Variants in SORD observed in about 807,000 individuals in gnomAD.
SORD encodes the protein (R,R)-butanediol dehydrogenase.
A neutral mutation model predicts 35.6 loss-of-function variants in SORD; 18 were observed. The ratio of observed to expected loss-of-function variants is 0.51; its 90% CI spans 0.35 to 0.75. The LOEUF (loss-of-function observed/expected upper bound fraction) is 0.75. Ranked by LOEUF, SORD falls within the 30% of genes least tolerant of loss-of-function variation. The probability of loss-of-function intolerance (pLI) is 0.01; values close to 1 mark genes in which losing one functional copy is unlikely to be tolerated. For synonymous variants in SORD, 106 were observed against 152.9 expected (o/e 0.69, Z 2.26); for missense variants, 250 against 390.2 (o/e 0.64, Z 3.03).
intron 5 of SORD, among the ~76,000 whole-genome samples, chr15:45,066,310 G>A (rs571737299): frequency 1.3e-4 from 20 of 151,530 alleles, no homozygotes; most frequent in Admixed American, 3.3e-4. Context: ...GGAAACTAGG[G>A]AAATTTTTTT....
rs34029087 is a variant in SORD at position 45,025,624 on chromosome 15, CAAAAAAAAAAA to C, written c.66+2285_66+2295del. Among the ~76,000 whole-genome samples the C allele has an allele frequency of 5.3e-4, 36 of 68,250 alleles. No individual in the cohort carries two copies. In the East Asian group the frequency reaches 0.017, roughly 32 times the overall value. 44.8% of individuals were successfully genotyped at this position (68,250 alleles called of 152,430 possible). A position where few individuals can be genotyped will look rare whatever the true frequency, so the allele number is the denominator to read the frequency against. The stretch of plus-strand genomic sequence containing the variant: ...AGCCTGAATGACAGCAAAACTATGT[CAAAAAAAAAAA>C]AAAAAAAAAGATGTCTCTGGGACAG... On this transcript the variant is annotated intron_variant, in intron 1 of 8. Transcript: ENST00000267814.
At chr15:45,053,951 A>G (rs1490679880) in intron 3 of SORD, among the ~76,000 whole-genome samples, 1 of 145,982 alleles carries the variant, frequency 6.9e-6, no homozygotes, top group Non-Finnish European at 1.5e-5. Flanking sequence ...AATTTCATCC[A>G]TGTCCCTACA....
chr15:45,031,020 C>G (rs1354289666), intron 1 of SORD, among the ~76,000 whole-genome samples: 4 of 152,242 alleles, frequency 2.6e-5, no homozygotes, highest in African/African-American at 7.2e-5. Context: ...ATTCAACACA[C>G]ACAGGCAGTG....
At chr15:45,031,272 T>C (rs1892780883) in intron 1 of SORD, among the ~76,000 whole-genome samples, 2 of 151,966 alleles carry the variant, frequency 1.3e-5, no homozygotes, top group African/African-American at 4.8e-5. Context: ...GAGCTATTAA[T>C]GTGCCAGCCT....
chr15:45,059,055 C>T (rs1566962875), intron 3 of SORD, among the ~76,000 whole-genome samples: 1 of 152,120 alleles, frequency 6.6e-6, no homozygotes, highest in South Asian at 2.1e-4. Flanking sequence ...CAAGGCATTT[C>T]TATGTTGGGC....
At chr15:45,025,948 C>T (rs1892661311) in intron 1 of SORD, among the ~76,000 whole-genome samples, 1 of 152,170 alleles carries the variant, frequency 6.6e-6, no homozygotes, top group Admixed American at 6.5e-5. Context: ...GCTGAGCTTG[C>T]CTGGGCTGAG....
intron 1 of SORD, chr15:45,036,308 T>A: frequency 4.4e-6 from 2 of 455,968 alleles, no homozygotes; most frequent in Non-Finnish European, 8.8e-6. Context: ...TATTTCTGAC[T>A]TGAAGTGAAA....
rs748914286 is a variant in SORD, at chr15:45,069,057, G to A, written c.786+5G>A. The A allele has an allele frequency of 1.8e-5, 29 of 1,604,912 alleles. No homozygotes were observed. The highest frequency in any genetic ancestry group is 3.4e-5 in the Admixed American group (2 of 59,152). ...TCCATCCAGGCGGGCATCTACGTGAGTGGGCTGAGGGCAGCTTTGGGGAAT... is the reference window on the plus strand; with the variant it reads ...TCCATCCAGGCGGGCATCTACGTGAATGGGCTGAGGGCAGCTTTGGGGAAT... On this transcript the variant is annotated splice_donor_5th_base_variant and intron_variant, in intron 7 of 8. Transcript: ENST00000267814.
At chr15:45,040,926 G>A (rs1398400538) in intron 2 of SORD, among the ~76,000 whole-genome samples, 1 of 152,192 alleles carries the variant, frequency 6.6e-6, no homozygotes, top group Non-Finnish European at 1.5e-5. Flanking sequence ...CCAAAGTGTG[G>A]GGCAGCCCAG....
At chr15:45,069,347 C>T (rs10152499) in intron 7 of SORD, among the ~76,000 whole-genome samples, 23,956 of 151,410 alleles carry the variant, frequency 0.16, 5,792 homozygotes, top group African/African-American at 0.52. Context: ...GCTGGGACTA[C>T]GGGCGCCTGC....
chr15:45,049,292 G>A (rs1893091713), intron 3 of SORD, among the ~76,000 whole-genome samples: 1 of 152,120 alleles, frequency 6.6e-6, no homozygotes, highest in Non-Finnish European at 1.5e-5. Flanking sequence ...GGGAGGTAGG[G>A]CGATAATCTC....
intron 7 of SORD, chr15:45,070,224 A>G (rs1893488618): frequency 6.6e-6 from 1 of 152,116 alleles, no homozygotes; most frequent in Non-Finnish European, 1.5e-5. Flanking sequence ...GGGCACGAAC[A>G]ACCATGCTAG....
intron 1 of SORD, among the ~76,000 whole-genome samples, chr15:45,039,265 A>G (rs148593358): frequency 0.014 from 2,126 of 152,146 alleles, 37 homozygotes; most frequent in African/African-American, 0.047. Flanking sequence ...AGTAGCTGAG[A>G]CTACAGGCGC....
Position 45,023,280 on chromosome 15 carries a change from C to T in SORD, c.-4C>T. On this transcript the variant is annotated 5_prime_UTR_variant, in exon 1 of 9. Coordinates refer to ENST00000267814, the MANE Select transcript of SORD (RefSeq NM_003104.6). ...AGGCCGCACTCCAGAGCCAAAAGAGCTCCATGGCGGCGGCGGCCAAGCCCA... is the reference window on the plus strand; with the variant it reads ...AGGCCGCACTCCAGAGCCAAAAGAGTTCCATGGCGGCGGCGGCCAAGCCCA... The T allele has an allele frequency of 6.3e-7, 1 of 1,581,746 alleles. No individual in the cohort carries two copies.
Position 45,023,221 on chromosome 15 carries a change from C to A in SORD, c.-63C>A, listed in dbSNP as rs1892616799. 4 of 1,395,846 alleles carry A rather than the reference C, an allele frequency of 2.9e-6. No homozygotes were observed. In the South Asian group the frequency reaches 5.8e-5, roughly 20 times the overall value. The allele number at this position is 1,395,846 out of a possible 1,614,324, so 86.5% of individuals were successfully genotyped here. On this transcript the variant is annotated 5_prime_UTR_variant, in exon 1 of 9. Coordinates refer to ENST00000267814, the MANE Select transcript of SORD (RefSeq NM_003104.6). ...GTGCCCTGGACCCTCGGCTGGGTAG[C>A]GCCACCAGAGCGACCAAACGTCCCG...
intron 1 of SORD, 22 bp downstream of exon 1, chr15:45,023,371 G>T: frequency 6.5e-7 from 1 of 1,543,278 alleles, no homozygotes; most frequent in Non-Finnish European, 8.7e-7. Context: ...AGGAGGGTGG[G>T]AAGCATACCG....
At chr15:45,061,966 G>C (rs1479981283) in intron 4 of SORD, among the ~76,000 whole-genome samples, 5 of 152,174 alleles carry the variant, frequency 3.3e-5, no homozygotes, top group African/African-American at 7.2e-5. Context: ...GCCAGGGCTT[G>C]AGCTCTGGGA....
At chr15:45,044,750 G>A (rs1893019386) in intron 3 of SORD, among the ~76,000 whole-genome samples, 1 of 147,694 alleles carries the variant, frequency 6.8e-6, no homozygotes, top group African/African-American at 2.5e-5. Context: ...CCAGGCTGGA[G>A]TGCAGTGGTG....
At chr15:45,071,460 C>G (rs1213434670) in intron 7 of SORD, among the ~76,000 whole-genome samples, 2 of 152,096 alleles carry the variant, frequency 1.3e-5, no homozygotes, top group Non-Finnish European at 2.9e-5. Flanking sequence ...AGGCTATGAT[C>G]GTGGTGTATC....
Sources: allele counts gnomAD v4.1 joint callset (sites outside exome capture counted in the v4.1 genomes callset), GRCh38; gene constraint gnomAD v4.1.1; transcripts MANE v1.5; gene names NCBI Gene and HGNC (gene_info 2026-07-23, HGNC 2026-07-21).